TPH1: variants seen among roughly 807,000 people sequenced by gnomAD.
TPH1 encodes tryptophan 5-hydroxylase 1.
A neutral mutation model predicts 49.5 loss-of-function variants in TPH1; 37 were observed. The observed-to-expected ratio is 0.75, with a 90% confidence interval of 0.58 to 0.98. The LOEUF is 0.98. Among genes scored for constraint, TPH1 ranks in the 50% least tolerant of loss-of-function variants. TPH1 has a pLI of 0.00. For missense variants in TPH1, 487 were observed against 523.6 expected, an observed-to-expected ratio of 0.93 and a Z score of 0.68; for synonymous variants, 160 against 182.1, an observed-to-expected ratio of 0.88 and a Z score of 0.98.
chr11:18,034,798 T>G (rs1848028079), intron 3 of TPH1, among the ~76,000 whole-genome samples: 1 of 152,114 alleles, frequency 6.6e-6, no homozygotes, highest in African/African-American at 2.4e-5. Flanking sequence ...CCAGTAGAGA[T>G]CTTAACCTTT....
rs771234834 is a variant in TPH1 at position 18,040,706 on chromosome 11, A to T, written c.57T>A (p.Ser19Arg). ...KDHSLERGRA[S>R]LIFSLKNEVG... ...CTTCATTCTTTAAGGAAAAAATGAG[A>T]CTTGCTCTTCCCCTTTCTAAGGAAT... The change falls in exon 2 of 11, where the codon AGT becomes AGA. Residue 19 changes from serine (S) to arginine (R), a missense_variant. Transcript: ENST00000682019. The T allele has an allele frequency of 6.2e-7, 1 of 1,612,382 alleles. No homozygotes were observed. Among genetic ancestry groups the T allele is most frequent in the Admixed American group, 1.7e-5 (1 of 59,946 alleles).
At chr11:18,043,636 A>G (rs765983679) in intron 1 of TPH1, among the ~76,000 whole-genome samples, 1 of 152,116 alleles carries the variant, frequency 6.6e-6, no homozygotes, top group Non-Finnish European at 1.5e-5. Context: ...AAACAACAAC[A>G]ACAACAAAAA....
In TPH1 at chr11:18,020,586, T is replaced by C. The variant is rs889021160; in HGVS notation, c.*405A>G. The C allele has an allele frequency of 5.6e-6, 1 of 179,980 alleles. No homozygotes were observed. Among genetic ancestry groups the C allele is most frequent in the East Asian group, 1.4e-4 (1 of 7,052 alleles). 11.1% of individuals were successfully genotyped at this position (179,980 alleles called of 1,614,324 possible). On this transcript the variant is annotated 3_prime_UTR_variant, in exon 11 of 11. Coordinates refer to ENST00000682019, the MANE Select transcript of TPH1 (RefSeq NM_004179.3). ...AATAAGGGGATCTTAGGTAACAATA[T>C]GAGTCAGCGCCATAATACTCCTCAA...
chr11:18,035,365 T>TTTTC (rs202053014), intron 3 of TPH1, among the ~76,000 whole-genome samples: 21 of 150,772 alleles, frequency 1.4e-4, no homozygotes, highest in African/African-American at 4.9e-5. Context: ...CTGTCTTTCT[T>TTTTC]TTTCTTTCTT....
At chr11:18,029,460 T>C in intron 5 of TPH1, 52 bp downstream of exon 5, 1 of 1,558,488 alleles carries the variant, frequency 6.4e-7, no homozygotes, top group South Asian at 1.1e-5. Context: ...ATTTATTCTA[T>C]TCACTTATTT....
chr11:18,022,795 T>A lies in TPH1; in HGVS notation c.1160+3A>T. 6.2e-7 allele frequency: 1 copy of A among 1,612,816 alleles called. No individual in the cohort carries two copies. ...ATGAAGGCGTGAAGAAGATATACTG[T>A]ACCTCATCTTCTCCTTTGCATCTTC... On this transcript the variant is annotated splice_donor_region_variant and intron_variant, in intron 10 of 10. Coordinates refer to ENST00000682019, the MANE Select transcript of TPH1 (RefSeq NM_004179.3).
chr11:18,038,822 T>C (rs1462706811), intron 2 of TPH1, among the ~76,000 whole-genome samples: 1 of 152,150 alleles, frequency 6.6e-6, no homozygotes, highest in East Asian at 1.9e-4. Context: ...GAAGAAGACA[T>C]ACAGGTATTT....
chr11:18,027,180 C>T (rs966128848), intron 6 of TPH1, among the ~76,000 whole-genome samples: 43 of 152,174 alleles, frequency 2.8e-4, no homozygotes, highest in Non-Finnish European at 1.5e-4. Flanking sequence ...GCCAAGACTG[C>T]ATGCATACTG....
At chr11:18,043,979 T>A (rs1236972189) in intron 1 of TPH1, among the ~76,000 whole-genome samples, 1 of 152,198 alleles carries the variant, frequency 6.6e-6, no homozygotes, top group Admixed American at 6.5e-5. Flanking sequence ...CCTTTAGGGT[T>A]CATAATTATT....
chr11:18,022,842 G>A lies in TPH1; in HGVS notation c.1116C>T (p.Val372=). The A allele has an allele frequency of 6.2e-7, 1 of 1,613,448 alleles. No homozygotes were observed. The highest frequency in any genetic ancestry group is 8.5e-7 in the Non-Finnish European group (1 of 1,179,550). ...CTTCAAAACTTTCAGATACAAAGTA[G>A]ACATCTTGAAAAGTTGTGATAAGAC... ...QECLITTFQD[V]YFVSESFEDA... The change falls in exon 10 of 11, where the codon GTC becomes GTT. Residue 372 remains valine, a synonymous_variant. Coordinates refer to ENST00000682019, the MANE Select transcript of TPH1 (RefSeq NM_004179.3).
chr11:18,024,006 T>C, intron 8 of TPH1, 23 bp from the exon 9 acceptor site: 1 of 1,528,766 alleles, frequency 6.5e-7, no homozygotes, highest in Non-Finnish European at 9.1e-7. Context: ...ATCAATATTA[T>C]TCTCACACAC....
At chr11:18,040,548 T>A in intron 2 of TPH1, 98 bp downstream of exon 2, 1 of 1,239,964 alleles carries the variant, frequency 8.1e-7, no homozygotes, top group Non-Finnish European at 1.1e-6. Context: ...TGTTTTTTTT[T>A]AAGAGATAGG....
rs1847933745 is a variant in TPH1, at chr11:18,026,822, A to G, written c.668-197T>C. Reference sequence around the variant, plus strand: ...AGGCAATGAGTTAGACCTTTTACATATCACATCTCCTTTCACATTTACAGC... The same window carrying G: ...AGGCAATGAGTTAGACCTTTTACATGTCACATCTCCTTTCACATTTACAGC... On this transcript the variant is annotated intron_variant, in intron 6 of 10. Coordinates refer to ENST00000682019, the MANE Select transcript of TPH1 (RefSeq NM_004179.3). Among the ~76,000 whole-genome samples the G allele has an allele frequency of 2.0e-5, 3 of 152,318 alleles. No homozygotes were observed. The South Asian group carries it at 6.2e-4, about 32-fold the overall frequency.
rs1442139230 is a variant in TPH1, at chr11:18,036,095, T to C, written c.165A>G (p.Arg55=). ...CAAAAATCTCAAATTCTGAGTTTCTTCTTTTTGATTTTCGGGACTCGATAT... is the reference window on the plus strand; with the variant it reads ...CAAAAATCTCAAATTCTGAGTTTCTCCTTTTTGATTTTCGGGACTCGATAT... ...LLHIESRKSK[R]RNSEFEIFVD... Residue 55 remains arginine, a synonymous_variant, in exon 3 of 11, where the codon AGA becomes AGG. Coordinates refer to ENST00000682019, the MANE Select transcript of TPH1 (RefSeq NM_004179.3). 7.4e-6 allele frequency: 12 copies of C among 1,613,348 alleles called. No individual in the cohort carries two copies. Among genetic ancestry groups the C allele is most frequent in the Non-Finnish European group, 9.3e-6 (11 of 1,179,912 alleles).
rs1848010178 is a variant in TPH1 at position 18,033,290 on chromosome 11, A to T, written c.386T>A (p.Leu129Gln). 6.2e-7 allele frequency: 1 copy of T among 1,613,094 alleles called. No individual in the cohort carries two copies. Among genetic ancestry groups the T allele is most frequent in the Admixed American group, 1.7e-5 (1 of 60,014 alleles). The change falls in exon 4 of 11, where the codon CTA becomes CAA. Residue 129 changes from leucine to glutamine, a missense_variant. Physicochemically the swap from Leu to Gln is moderately radical, Grantham distance 113. Transcript: ENST00000682019. ...AATACTTACAGGATGGTCTGCATCT[A>T]GTTCAGATCCATACATCAGAACTCT... ...ANRVLMYGSELDADHPGFKDN... is the reference protein window; with the variant it reads ...ANRVLMYGSEQDADHPGFKDN...
At chr11:18,034,929 A>G (rs1023965137) in intron 3 of TPH1, among the ~76,000 whole-genome samples, 2 of 152,202 alleles carry the variant, frequency 1.3e-5, no homozygotes, top group Admixed American at 1.3e-4. Flanking sequence ...TTTGTGGAAG[A>G]CAATTTTTCC....
chr11:18,036,954 TAAAGTA>T (rs1848052809), intron 2 of TPH1, among the ~76,000 whole-genome samples: 1 of 151,724 alleles, frequency 6.6e-6, no homozygotes, highest in African/African-American at 2.4e-5. Context: ...ATTAAGAAAA[TAAAGTA>T]AAGAGTGTTC....
At chr11:18,042,411 T>C (rs1422667653) in intron 1 of TPH1, 1 of 452,052 alleles carries the variant, frequency 2.2e-6, no homozygotes, top group Non-Finnish European at 4.4e-6. Flanking sequence ...AAACACAGAG[T>C]ATGGGCGACG....
chr11:18,035,461 T>C lies in TPH1; in HGVS notation c.301+498A>G, dbSNP rs74917248. Reference sequence around the variant, plus strand: ...TTTTTTTTTTGACAGGGTCTTGTTCTGTCACCCAAACGGGAGTGCAGTGGT... The same window carrying C: ...TTTTTTTTTTGACAGGGTCTTGTTCCGTCACCCAAACGGGAGTGCAGTGGT... On this transcript the variant is annotated intron_variant, in intron 3 of 10. Coordinates refer to ENST00000682019, the MANE Select transcript of TPH1 (RefSeq NM_004179.3). Among the ~76,000 whole-genome samples, 495 of 149,754 alleles carry C rather than the reference T, an allele frequency of 3.3e-3. 1 individual carries two copies. Among genetic ancestry groups the C allele is most frequent in the Admixed American group, 6.9e-3 (103 of 14,826 alleles).
Sources: gnomAD v4.1 joint callset for allele counts (sites outside exome capture counted in the v4.1 genomes callset) on GRCh38, gnomAD v4.1.1 for gene constraint, MANE v1.5 for transcripts, NCBI Gene and HGNC (gene_info 2026-07-23, HGNC 2026-07-21) for gene names.